The following ATF6 variants were observed in gnomAD, a reference collection of about 807,000 sequenced individuals.
ATF6 encodes activating transcription factor 6.
Under a neutral mutation model 83.6 loss-of-function variants are expected in ATF6, and 53 were observed. The observed-to-expected ratio is 0.63, with a 90% CI of 0.51 to 0.80. The LOEUF (loss-of-function observed/expected upper bound fraction) is 0.80. ATF6 is among the 30% of genes least tolerant of loss of function. The pLI is 0.00. For missense variants in ATF6, 744 were observed against 797.9 expected (o/e 0.93, Z 0.81); for synonymous variants, 288 against 285.8 (o/e 1.01, Z -0.08).
chr1:161,921,424 A>G (rs1688210481), intron 15 of ATF6, among the ~76,000 whole-genome samples: 1 of 152,166 alleles, frequency 6.6e-6, no homozygotes, highest in Admixed American at 6.5e-5. Context: ...GCTAGGATAG[A>G]TACTAGGATA....
chr1:161,931,491 A>G (rs1688432007), intron 15 of ATF6, among the ~76,000 whole-genome samples: 1 of 152,038 alleles, frequency 6.6e-6, no homozygotes, highest in Non-Finnish European at 1.5e-5. Context: ...AGCTTTATTG[A>G]GTTATAATTC....
chr1:161,954,270 T>C (rs2101921411), intron 15 of ATF6, among the ~76,000 whole-genome samples: 1 of 152,340 alleles, frequency 6.6e-6, no homozygotes. Context: ...TTTTTCTGTT[T>C]GTTTTTGTTG....
intron 9 of ATF6, among the ~76,000 whole-genome samples, chr1:161,846,047 G>C (rs1686478828): frequency 6.6e-6 from 1 of 152,090 alleles, no homozygotes; most frequent in African/African-American, 2.4e-5. Flanking sequence ...TTCATTTGAA[G>C]TATTCTCTCA....
intron 1 of ATF6, among the ~76,000 whole-genome samples, chr1:161,773,359 G>C (rs536595247): frequency 2.6e-5 from 4 of 151,892 alleles, no homozygotes; most frequent in Non-Finnish European, 5.9e-5. Flanking sequence ...GGATGGTCTT[G>C]ATCTCCTGAC....
At chr1:161,861,522 T>TA (rs1057417122) in intron 13 of ATF6, among the ~76,000 whole-genome samples, 1 of 152,216 alleles carries the variant, frequency 6.6e-6, no homozygotes, top group African/African-American at 2.4e-5. Flanking sequence ...ACATTTATTT[T>TA]AAAAATATAT....
At position 161,869,243 on chromosome 1, in the gene ATF6, CTGT is replaced by C. The variant is rs547104868; in HGVS notation, c.1719+5933_1719+5935del. 4.0e-5 allele frequency among the ~76,000 whole-genome samples: 6 copies of C among 151,808 alleles called. No individual in the cohort carries two copies. The South Asian group carries it at 1.2e-3, about 31-fold the overall frequency. Reference sequence around the variant, plus strand: ...GAAGAATGGCATATTTTCTTAATGCCTGTTATTTATTTCTTAGAAATTTATGTT... The same window carrying C: ...GAAGAATGGCATATTTTCTTAATGCCTATTTATTTCTTAGAAATTTATGTT... On this transcript the variant is annotated intron_variant, in intron 14 of 15. Transcript: ENST00000367942.
intron 15 of ATF6, among the ~76,000 whole-genome samples, chr1:161,955,827 C>G (rs1289860976): frequency 6.6e-6 from 1 of 152,174 alleles, no homozygotes; most frequent in African/African-American, 2.4e-5. Context: ...TCTAGCAATG[C>G]TGATAGTTTC....
intron 15 of ATF6, 67 bp downstream of exon 15, chr1:161,912,447 G>C (rs1688010243): frequency 9.5e-7 from 1 of 1,048,604 alleles, no homozygotes; most frequent in African/African-American, 1.6e-5. Context: ...CTCTTCATTA[G>C]TTCAAAGACA....
chr1:161,880,783 T>G (rs1277035607), intron 14 of ATF6, among the ~76,000 whole-genome samples: 1 of 152,148 alleles, frequency 6.6e-6, no homozygotes, highest in Admixed American at 6.6e-5. Context: ...GGCTGGGTTA[T>G]ATAGTAGGCA....
At chr1:161,836,669 G>T (rs537292400) in intron 9 of ATF6, among the ~76,000 whole-genome samples, 1 of 152,282 alleles carries the variant, frequency 6.6e-6, no homozygotes, top group South Asian at 2.1e-4. Context: ...TGCAGAGCTG[G>T]GTTTTGAGGG....
chr1:161,847,169 A>G (rs1285095532), intron 10 of ATF6, among the ~76,000 whole-genome samples: 11 of 152,188 alleles, frequency 7.2e-5, no homozygotes, highest in African/African-American at 2.7e-4. Flanking sequence ...TTATAGTTGT[A>G]TACTTTTTGA....
intron 7 of ATF6, among the ~76,000 whole-genome samples, chr1:161,817,953 T>C (rs1685652367): frequency 6.6e-6 from 1 of 151,768 alleles, no homozygotes; most frequent in South Asian, 2.1e-4. Context: ...CAAACAAAAT[T>C]AGCCAGGCGT....
intron 9 of ATF6, among the ~76,000 whole-genome samples, chr1:161,831,087 C>T (rs1158540254): frequency 1.3e-5 from 2 of 152,088 alleles, no homozygotes; most frequent in South Asian, 2.1e-4. Flanking sequence ...ACAAAGAACT[C>T]AAACAAATTT....
At chr1:161,881,491 T>C (rs1329367086) in intron 14 of ATF6, among the ~76,000 whole-genome samples, 2 of 152,122 alleles carry the variant, frequency 1.3e-5, no homozygotes, top group Non-Finnish European at 2.9e-5. Flanking sequence ...GAAGTGTTTA[T>C]GTTTACTGGT....
Position 161,819,009 on chromosome 1 carries a change from GAATAGAGAGAAAGT to G in ATF6, c.910-620_910-607del, listed in dbSNP as rs570823971. The stretch of plus-strand genomic sequence containing the variant: ...GCCTGTATTAGGAGAGTGGAAGAGG[GAATAGAGAGAAAGT>G]AATTACTGAGACACATTTTCACTGG... On this transcript the variant is annotated intron_variant, in intron 7 of 15. Transcript: ENST00000367942. 2.7e-3 allele frequency among the ~76,000 whole-genome samples: 414 copies of G among 152,228 alleles called. 1 individual carries two copies. The highest frequency in any genetic ancestry group is 9.8e-3 in the African/African-American group (407 of 41,542).
intron 14 of ATF6, among the ~76,000 whole-genome samples, chr1:161,901,062 A>G (rs913024053): frequency 1.3e-5 from 2 of 152,150 alleles, no homozygotes; most frequent in Admixed American, 6.5e-5. Context: ...AGCAACAAAC[A>G]TTATTCTTAT....
intron 15 of ATF6, among the ~76,000 whole-genome samples, chr1:161,924,863 G>C (rs1018107081): frequency 2.0e-5 from 3 of 152,122 alleles, no homozygotes; most frequent in African/African-American, 7.2e-5. Flanking sequence ...GGTTAAAAAG[G>C]CTTTAGTACA....
intron 14 of ATF6, among the ~76,000 whole-genome samples, chr1:161,893,084 T>C (rs1451375986): frequency 6.6e-6 from 1 of 152,236 alleles, no homozygotes; most frequent in African/African-American, 2.4e-5. Flanking sequence ...TAAGATAAAT[T>C]ACTGCACTGT....
intron 15 of ATF6, among the ~76,000 whole-genome samples, chr1:161,938,685 G>C (rs920323063): frequency 6.6e-6 from 1 of 152,196 alleles, no homozygotes; most frequent in African/African-American, 2.4e-5. Context: ...GCAATAGGTT[G>C]TGATACTAAC....
Sources: allele counts gnomAD v4.1 joint callset (sites outside exome capture counted in the v4.1 genomes callset), GRCh38; gene constraint gnomAD v4.1.1; transcripts MANE v1.5; gene names NCBI Gene and HGNC (gene_info 2026-07-23, HGNC 2026-07-21).